The following RAB3GAP2 variants were observed in gnomAD, a reference collection of about 807,000 sequenced individuals.
The protein encoded by RAB3GAP2 is RAB3 GTPase activating non-catalytic protein subunit 2.
Under a neutral mutation model 185.3 loss-of-function variants are expected in RAB3GAP2, and 87 were observed. The ratio of observed to expected loss-of-function variants is 0.47; its 90% CI spans 0.39 to 0.56. The LOEUF (loss-of-function observed/expected upper bound fraction) is 0.56. Ranked by LOEUF, RAB3GAP2 falls within the 20% of genes least tolerant of loss-of-function variation. RAB3GAP2 has a pLI of 0.00. For synonymous variants in RAB3GAP2, 554 were observed against 576.1 expected, an observed-to-expected ratio of 0.96 and a Z score of 0.55; for missense variants, 1,492 against 1,638.2, an observed-to-expected ratio of 0.91 and a Z score of 1.54.
Position 220,195,354 on chromosome 1 carries a change from G to A in RAB3GAP2, c.984C>T (p.Ser328=), listed in dbSNP as rs1234105204. The A allele has an allele frequency of 6.2e-7, 1 of 1,612,826 alleles. No individual in the cohort carries two copies. Among genetic ancestry groups the A allele is most frequent in the Non-Finnish European group, 8.5e-7 (1 of 1,178,940 alleles). The change falls in exon 11 of 35, where the codon TCC becomes TCT. Residue 328 remains serine (S), a synonymous_variant. Coordinates refer to ENST00000358951, the MANE Select transcript of RAB3GAP2 (RefSeq NM_012414.4). ...ALEGSTQPLL[S]HVALAVASKL... ...TACTTGCAACTGCTAGTGCAACATGGGATAATAATGGTTGTGTGCTTCCCT... is the reference window on the plus strand; with the variant it reads ...TACTTGCAACTGCTAGTGCAACATGAGATAATAATGGTTGTGTGCTTCCCT...
intron 1 of RAB3GAP2, among the ~76,000 whole-genome samples, chr1:220,262,878 C>G (rs1453392105): frequency 6.6e-6 from 1 of 151,718 alleles, no homozygotes; most frequent in Non-Finnish European, 1.5e-5. Flanking sequence ...TTGAGGAACT[C>G]TTATTTTTTC....
At chr1:220,155,340 G>A (rs908852267) in intron 31 of RAB3GAP2, among the ~76,000 whole-genome samples, 2 of 152,100 alleles carry the variant, frequency 1.3e-5, no homozygotes, top group Non-Finnish European at 1.5e-5. Flanking sequence ...GTGATTCTAG[G>A]TCATCTGTTG....
chr1:220,153,581 T>C, intron 32 of RAB3GAP2, 175 bp from the exon 33 acceptor site: 1 of 478,388 alleles, frequency 2.1e-6, no homozygotes, highest in Non-Finnish European at 3.6e-6. Flanking sequence ...ACTTTGAAAT[T>C]GGTCTTTTTT....
In RAB3GAP2 at chr1:220,196,405, A is replaced by T. The variant is rs779443561; in HGVS notation, c.812-7T>A. ...GGGGACAGAGTCATAATACCTAATA[A>T]AAAAAAAAAAGTGATTTGAATGTAC... is the stretch of plus-strand genomic sequence containing the variant. On this transcript the variant is annotated splice_polypyrimidine_tract_variant and splice_region_variant and intron_variant, in intron 9 of 34. Transcript: ENST00000358951. 21 of 1,292,696 alleles carry T rather than the reference A, an allele frequency of 1.6e-5. No individual in the cohort carries two copies. The highest frequency in any genetic ancestry group is 1.6e-4 in the East Asian group (5 of 31,076). 80.1% of individuals were successfully genotyped at this position (1,292,696 alleles called of 1,614,324 possible).
chr1:220,246,872 T>C (rs1008869558), intron 1 of RAB3GAP2, among the ~76,000 whole-genome samples: 5 of 151,156 alleles, frequency 3.3e-5, no homozygotes, highest in Non-Finnish European at 7.4e-5. Flanking sequence ...TATACATATG[T>C]AACTAACCTG....
chr1:220,228,042 C>T (rs541612482), intron 2 of RAB3GAP2, among the ~76,000 whole-genome samples: 6 of 152,184 alleles, frequency 3.9e-5, no homozygotes, highest in Admixed American at 2.6e-4. Flanking sequence ...CGTGAGCCAC[C>T]GCGCCTGGCC....
Position 220,206,005 on chromosome 1 carries a change from T to C in RAB3GAP2, c.614A>G (p.Asn205Ser), listed in dbSNP as rs148476958. ...IPRHPGVTEQ[N>S]EELSILYPAA... ...TGGATATAAGATACTCAACTCTTCA[T>C]TCTATTTAAGAAATAAAAAAAAAAA... The change falls in exon 8 of 35, where the codon AAT (asparagine) becomes AGT (serine). Residue 205 changes from asparagine to serine, a missense_variant and splice_region_variant. Physicochemically the swap from Asn to Ser is conservative, Grantham distance 46 (BLOSUM62 1). Around this residue, in one of 5 missense-constraint regions of RAB3GAP2, gnomAD observed 243 missense variants for 314.8 expected, o/e 0.77. Transcript: ENST00000358951. 26 of 1,578,614 alleles carry C rather than the reference T, an allele frequency of 1.6e-5. No homozygotes were observed. Among genetic ancestry groups the C allele is most frequent in the Non-Finnish European group, 1.1e-5 (13 of 1,152,924 alleles).
intron 1 of RAB3GAP2, among the ~76,000 whole-genome samples, chr1:220,268,363 T>C (rs1660268560): frequency 6.6e-6 from 1 of 152,212 alleles, no homozygotes. Context: ...GTCTATTTTA[T>C]CATGAAGGGT....
intron 10 of RAB3GAP2, 41 bp from the exon 11 acceptor site, chr1:220,195,418 A>T (rs761826884): frequency 1.7e-5 from 25 of 1,483,290 alleles, no homozygotes; most frequent in Non-Finnish European, 2.3e-5. Context: ...TTAGTAGCTT[A>T]CAAAGAAACA....
At chr1:220,167,738 G>T in intron 24 of RAB3GAP2, 63 bp from the exon 25 acceptor site, 1 of 1,514,940 alleles carries the variant, frequency 6.6e-7, no homozygotes, top group Non-Finnish European at 9.1e-7. Context: ...GTTTGCCAAT[G>T]GGAGCCAATT....
intron 1 of RAB3GAP2, chr1:220,254,412 G>A: frequency 6.2e-7 from 1 of 1,613,000 alleles, no homozygotes; most frequent in South Asian, 1.1e-5. Context: ...CTCTGGATGA[G>A]AAGAGCCTTG....
chr1:220,218,532 T>C (rs957869119), intron 2 of RAB3GAP2, among the ~76,000 whole-genome samples: 1 of 152,042 alleles, frequency 6.6e-6, no homozygotes, highest in African/African-American at 2.4e-5. Context: ...AGATGGGAAT[T>C]GAACAATGAG....
Position 220,153,271 on chromosome 1 carries a change from G to A in RAB3GAP2, c.3781C>T (p.His1261Tyr), listed in dbSNP as rs543919777. The change falls in exon 33 of 35, where the codon CAT (histidine) becomes TAT (tyrosine). Residue 1261 changes from histidine to tyrosine, a missense_variant. Around this residue, in one of 5 missense-constraint regions of RAB3GAP2, gnomAD observed 387 missense variants for 455.3 expected, o/e 0.85. Coordinates refer to ENST00000358951, the MANE Select transcript of RAB3GAP2 (RefSeq NM_012414.4). ...DWPALAVDLA[H>Y]HLQVSEDVVR... ...ACATCTTCACTAACTTGAAGGTGATGGGCTAAATCCACAGCTAGAGCTGGC... is the reference window on the plus strand; with the variant it reads ...ACATCTTCACTAACTTGAAGGTGATAGGCTAAATCCACAGCTAGAGCTGGC... 2.7e-5 allele frequency: 44 copies of A among 1,614,156 alleles called. No individual in the cohort carries two copies. The South Asian group carries it at 4.5e-4, about 17-fold the overall frequency.
chr1:220,199,590 T>C (rs1380284450), intron 9 of RAB3GAP2, among the ~76,000 whole-genome samples: 1 of 152,142 alleles, frequency 6.6e-6, no homozygotes, highest in Non-Finnish European at 1.5e-5. Context: ...GACTCTCATG[T>C]CCAATTCGTA....
Position 220,205,998 on chromosome 1 carries a change from C to G in RAB3GAP2, c.621G>C (p.Glu207Asp). The change falls in exon 8 of 35, where the codon GAG (glutamate) becomes GAC (aspartate). Residue 207 changes from glutamate to aspartate, a missense_variant. Coordinates refer to ENST00000358951, the MANE Select transcript of RAB3GAP2 (RefSeq NM_012414.4). ...RHPGVTEQNEELSILYPAAIV... is the reference protein window; with the variant it reads ...RHPGVTEQNEDLSILYPAAIV... ...TGGCAGCTGGATATAAGATACTCAA[C>G]TCTTCATTCTATTTAAGAAATAAAA... The G allele has an allele frequency of 6.3e-7, 1 of 1,586,442 alleles. No individual in the cohort carries two copies. The highest frequency in any genetic ancestry group is 8.6e-7 in the Non-Finnish European group (1 of 1,159,162).
chr1:220,262,333 A>C (rs948295579), intron 1 of RAB3GAP2, among the ~76,000 whole-genome samples: 1 of 152,006 alleles, frequency 6.6e-6, no homozygotes, highest in African/African-American at 2.4e-5. Context: ...AAACAAACAA[A>C]AAAACATAAA....
intron 2 of RAB3GAP2, among the ~76,000 whole-genome samples, chr1:220,221,858 T>C (rs1369057097): frequency 1.3e-5 from 2 of 152,350 alleles, no homozygotes; most frequent in African/African-American, 4.8e-5. Context: ...GTAAACACAG[T>C]GGCCAGTGTT....
intron 30 of RAB3GAP2, 137 bp from the exon 31 acceptor site, chr1:220,157,625 T>C (rs953858660): frequency 9.3e-7 from 1 of 1,078,104 alleles, no homozygotes; most frequent in Non-Finnish European, 1.4e-6. Context: ...AAACACAAAG[T>C]CTAATTTCAA....
chr1:220,168,074 G>C (rs989686469), intron 24 of RAB3GAP2, among the ~76,000 whole-genome samples: 2 of 151,972 alleles, frequency 1.3e-5, no homozygotes, highest in Non-Finnish European at 2.9e-5. Flanking sequence ...AGGCTCCTAA[G>C]GCCAATATAA....
Sources: allele counts gnomAD v4.1 joint callset (sites outside exome capture counted in the v4.1 genomes callset), GRCh38; gene constraint gnomAD v4.1.1; regional missense constraint gnomAD v4.1.1; transcripts MANE v1.5; gene names NCBI Gene and HGNC (gene_info 2026-07-23, HGNC 2026-07-21).